PDE4D: variants seen among roughly 807,000 people sequenced by gnomAD.
The protein encoded by PDE4D is 3',5'-cyclic-AMP phosphodiesterase 4D.
Under a neutral mutation model 87.4 loss-of-function variants are expected in PDE4D, and 24 were observed. The observed-to-expected ratio is 0.27, with a 90% CI of 0.20 to 0.39. The LOEUF is 0.39. Among genes scored for constraint, PDE4D ranks in the 10% least tolerant of loss-of-function variants. The probability of loss-of-function intolerance (pLI) is 1.00; values close to 1 mark genes in which losing one functional copy is unlikely to be tolerated. For missense variants in PDE4D, 714 were observed against 1,041.0 expected (o/e 0.69, Z 4.32); for synonymous variants, 384 against 383.2 (o/e 1.00, Z -0.02).
intron 1 of PDE4D, among the ~76,000 whole-genome samples, chr5:59,530,616 A>C (rs1561136143): frequency 6.6e-6 from 1 of 152,336 alleles, no homozygotes; most frequent in East Asian, 1.9e-4. Flanking sequence ...TATTAAAAAA[A>C]AAAATTGGAT....
At chr5:60,063,256 T>C (rs1771691496) in intron 2 of PDE4D, among the ~76,000 whole-genome samples, 1 of 152,028 alleles carries the variant, frequency 6.6e-6, no homozygotes, top group Admixed American at 6.6e-5. Context: ...ATGTAAACAT[T>C]AGGATCCACT....
intron 6 of PDE4D, among the ~76,000 whole-genome samples, chr5:59,027,707 A>C (rs1756500803): frequency 6.6e-6 from 1 of 152,002 alleles, no homozygotes; most frequent in Non-Finnish European, 1.5e-5. Context: ...CATTTGTTTG[A>C]GCAGGTCCTT....
At chr5:59,134,312 G>T (rs776455481) in intron 5 of PDE4D, among the ~76,000 whole-genome samples, 2 of 151,316 alleles carry the variant, frequency 1.3e-5, no homozygotes, top group Non-Finnish European at 2.9e-5. Context: ...AAGCTCTTAA[G>T]ACCACATTAC....
At chr5:60,333,149 C>G (rs1418604207) in intron 1 of PDE4D, among the ~76,000 whole-genome samples, 2 of 152,174 alleles carry the variant, frequency 1.3e-5, no homozygotes, top group Non-Finnish European at 2.9e-5. Context: ...TACAAAGATT[C>G]ATTCATCTCT....
At chr5:60,316,703 G>T (rs921605293) in intron 1 of PDE4D, among the ~76,000 whole-genome samples, 1 of 152,144 alleles carries the variant, frequency 6.6e-6, no homozygotes. Flanking sequence ...ATGAAGGGCT[G>T]TTGAATTTTG....
At chr5:60,172,770 T>C (rs1783583574) in intron 2 of PDE4D, among the ~76,000 whole-genome samples, 2 of 152,166 alleles carry the variant, frequency 1.3e-5, no homozygotes, top group Non-Finnish European at 2.9e-5. Flanking sequence ...CATGTGGCTC[T>C]ATCCCTGCAG....
intron 2 of PDE4D, among the ~76,000 whole-genome samples, chr5:60,117,490 A>T (rs1001968223): frequency 6.6e-6 from 1 of 152,116 alleles, no homozygotes; most frequent in Non-Finnish European, 1.5e-5. Flanking sequence ...ATTAGACTAC[A>T]ATCTATAAAT....
rs1750602215 is a variant in PDE4D, at chr5:60,512,089, TA to T, written n.70+9961del. Among the ~76,000 whole-genome samples, 4 of 152,226 alleles carry T rather than the reference TA, an allele frequency of 2.6e-5. No individual in the cohort carries two copies. In the South Asian group the frequency reaches 8.3e-4, roughly 32 times the overall value. Reference sequence around the variant, plus strand: ...TCTATGTAAAAATAAAAGTGTAAATTATCTGGAAAACACATACAAGGCAGGA... The same window carrying T: ...TCTATGTAAAAATAAAAGTGTAAATTTCTGGAAAACACATACAAGGCAGGA... On this transcript the variant is annotated intron_variant and non_coding_transcript_variant, in intron 1 of 2. Transcript: ENST00000506510.
intron 1 of PDE4D, among the ~76,000 whole-genome samples, chr5:59,336,041 A>G (rs975175802): frequency 6.6e-6 from 1 of 152,242 alleles, no homozygotes; most frequent in Non-Finnish European, 1.5e-5. Context: ...TGGCTCAAGA[A>G]GTAACAACAG....
intron 1 of PDE4D, among the ~76,000 whole-genome samples, chr5:59,384,791 T>C (rs1786649634): frequency 6.6e-6 from 1 of 152,008 alleles, no homozygotes; most frequent in Non-Finnish European, 1.5e-5. Context: ...TGATTTTCAT[T>C]TTTTTAGCCA....
rs186243410 is a variant in PDE4D at position 60,146,247 on chromosome 5, A to C, written c.42+39310T>G. ...AACAAACAAACAAAAATTACAGAGG[A>C]ATTATGTTTATTGCTCAGCACAGAA... is the stretch of plus-strand genomic sequence containing the variant. On this transcript the variant is annotated intron_variant, in intron 2 of 16. Transcript: ENST00000502484. Among the ~76,000 whole-genome samples, 143 of 152,264 alleles carry C rather than the reference A, an allele frequency of 9.4e-4. 1 individual carries two copies. Among genetic ancestry groups the C allele is most frequent in the African/African-American group, 3.3e-3 (139 of 41,564 alleles).
chr5:60,101,340 GA>G (rs966357983), intron 2 of PDE4D, among the ~76,000 whole-genome samples: 46 of 152,118 alleles, frequency 3.0e-4, no homozygotes, highest in African/African-American at 1.1e-3. Flanking sequence ...AAGGCAAGAA[GA>G]AAAATATACC....
intron 1 of PDE4D, chr5:60,460,121 G>T: frequency 2.5e-6 from 4 of 1,603,014 alleles, no homozygotes; most frequent in Non-Finnish European, 3.4e-6. Context: ...AAGCTCTCTG[G>T]TTCCTCATGC....
chr5:59,900,260 A>G (rs977346894), intron 3 of PDE4D, among the ~76,000 whole-genome samples: 4 of 131,564 alleles, frequency 3.0e-5, no homozygotes, highest in African/African-American at 1.1e-4. Context: ...ATATATATAT[A>G]TATACACACA....
At chr5:60,088,674 T>C (rs1399158925) in intron 2 of PDE4D, among the ~76,000 whole-genome samples, 2 of 151,830 alleles carry the variant, frequency 1.3e-5, no homozygotes, top group African/African-American at 4.8e-5. Context: ...TAAAAATAAG[T>C]AGCCAGAAAT....
rs115518332 is a variant in PDE4D at position 59,023,592 on chromosome 5, G to A, written c.921+15267C>T. On this transcript the variant is annotated intron_variant, in intron 6 of 14. Transcript: ENST00000340635. ...GATGGCTTGAGCCAGGGAGATCAAG[G>A]CTGCAGTAAGCCATGATGGCGCCAC... 2.0e-3 allele frequency among the ~76,000 whole-genome samples: 307 copies of A among 152,326 alleles called. 2 individuals are homozygous for A. The highest frequency in any genetic ancestry group is 7.1e-3 in the African/African-American group (294 of 41,580).
intron 1 of PDE4D, among the ~76,000 whole-genome samples, chr5:59,559,844 C>T (rs148375059): frequency 3.3e-3 from 502 of 152,246 alleles, no homozygotes; most frequent in Non-Finnish European, 5.3e-3. Context: ...TCTTTAAGGG[C>T]TAAGTACGTT....
Position 59,044,072 on chromosome 5 carries a change from G to T in PDE4D, c.809-5101C>A, listed in dbSNP as rs187867349. Among the ~76,000 whole-genome samples, 812 of 152,314 alleles carry T rather than the reference G, an allele frequency of 5.3e-3. 2 individuals carry two copies. Among genetic ancestry groups the T allele is most frequent in the Non-Finnish European group, 9.0e-3 (609 of 68,026 alleles). ...TTATAATCCTTTGGGTATATACCCA[G>T]TAATGGGATGGCTGGGTCAAATGGT... On this transcript the variant is annotated intron_variant, in intron 5 of 14. Coordinates refer to ENST00000340635, the MANE Select transcript of PDE4D (RefSeq NM_001104631.2).
chr5:59,971,101 G>A (rs371377708), intron 3 of PDE4D, among the ~76,000 whole-genome samples: 14 of 150,242 alleles, frequency 9.3e-5, no homozygotes, highest in Admixed American at 2.7e-4. Flanking sequence ...GTAAACTATC[G>A]CAAGAACAAA....
Sources: allele counts gnomAD v4.1 joint callset (sites outside exome capture counted in the v4.1 genomes callset), GRCh38; gene constraint gnomAD v4.1.1; transcripts MANE v1.5; gene names NCBI Gene and HGNC (gene_info 2026-07-23, HGNC 2026-07-21).